Variants in CLCF1 observed in about 807,000 individuals in gnomAD.
CLCF1 encodes the protein cardiotrophin like cytokine factor 1.
In CLCF1, 10 loss-of-function variants were observed where a neutral mutation model predicts 21.2. The observed-to-expected ratio is 0.47, with a 90% CI of 0.29 to 0.80. The LOEUF is 0.80. Among genes scored for constraint, CLCF1 ranks in the 30% least tolerant of loss-of-function variants. The pLI, the probability that CLCF1 is intolerant of heterozygous loss-of-function variation, is 0.09. For synonymous variants in CLCF1, 115 were observed against 120.5 expected (o/e 0.95, Z 0.30); for missense variants, 240 against 293.4 (o/e 0.82, Z 1.33).
At chr11:67,367,330 CAG>C in intron 2 of CLCF1, 128 bp downstream of exon 2, 2 of 1,423,268 alleles carry the variant, frequency 1.4e-6, no homozygotes, top group Admixed American at 1.7e-5. Flanking sequence ...ATAGACCAGA[CAG>C]GGGGACTGGT....
At chr11:67,373,438 CTCCCGGGGG>C in intron 1 of CLCF1, 77 bp downstream of exon 1, 1 of 723,996 alleles carries the variant, frequency 1.4e-6, no homozygotes, top group Non-Finnish European at 2.1e-6. Flanking sequence ...CGGCGCGGGG[CTCCCGGGGG>C]TCAGGGCAGG....
chr11:67,365,401 G>C lies in CLCF1; in HGVS notation c.413C>G (p.Thr138Ser). Reference protein sequence around the residue: ...ELRRSLAHFCTSLQGLLGSIA... With the variant: ...ELRRSLAHFCSSLQGLLGSIA... ...GCTGCCCAGCAGGCCCTGGAGGCTG[G>C]TGCAGAAGTGGGCCAGGCTGCGGCG... Residue 138 changes from threonine to serine, a missense_variant, in exon 3 of 3, where the codon ACC becomes AGC. By Grantham distance (58) the Thr-to-Ser change is moderately conservative. Coordinates refer to ENST00000312438, the MANE Select transcript of CLCF1 (RefSeq NM_013246.3). The surrounding 1 kb of genome is among the most constrained non-coding windows in gnomAD (Gnocchi z 5.0). 1.2e-6 allele frequency: 2 copies of C among 1,613,262 alleles called. No homozygotes were observed. Among genetic ancestry groups the C allele is most frequent in the Non-Finnish European group, 1.7e-6 (2 of 1,179,618 alleles).
rs1323282695 is a variant in CLCF1, at chr11:67,365,794, G to A, written c.184-164C>T. ...TGGCCTCCCTGAGTTTTTCCAATAA[G>A]GATATCATTTGTATGCAGGTGACAG... On this transcript the variant is annotated intron_variant, in intron 2 of 2. Coordinates refer to ENST00000312438, the MANE Select transcript of CLCF1 (RefSeq NM_013246.3). This position sits in a 1 kb window ranked among gnomAD's most constrained non-coding sequence, Gnocchi z 5.0. 6.6e-6 allele frequency among the ~76,000 whole-genome samples: 1 copy of A among 152,204 alleles called. No homozygotes were observed. Among genetic ancestry groups the A allele is most frequent in the Non-Finnish European group, 1.5e-5 (1 of 68,032 alleles).
At position 67,365,581 on chromosome 11, in the gene CLCF1, C is replaced by G; in HGVS notation, c.233G>C (p.Arg78Pro). Residue 78 changes from arginine to proline, a missense_variant, in exon 3 of 3, where the codon CGC becomes CCC. Arg to Pro is a moderately radical substitution (Grantham distance 103). Transcript: ENST00000312438. The surrounding 1 kb of genome is among the most constrained non-coding windows in gnomAD (Gnocchi z 5.0). Reference sequence around the variant, plus strand: ...CCTGGGCAGAGTCTCTGCCCCCAGGCGGGGAGGGTTGAAGTCTGGCTCGTT... The same window carrying G: ...CCTGGGCAGAGTCTCTGCCCCCAGGGGGGGAGGGTTGAAGTCTGGCTCGTT... ...PFNEPDFNPP[R>P]LGAETLPRAT... The G allele has an allele frequency of 6.2e-7, 1 of 1,613,588 alleles. No individual in the cohort carries two copies. The highest frequency in any genetic ancestry group is 8.5e-7 in the Non-Finnish European group (1 of 1,179,642).
At position 67,370,514 on chromosome 11, in the gene CLCF1, G is replaced by A. The variant is rs569931461; in HGVS notation, c.17-2888C>T. ...CCGGCTGAGCACGTGAGGAGCTAACGAGTACAGCTCACGTTTCCTGCAACA... is the reference window on the plus strand; with the variant it reads ...CCGGCTGAGCACGTGAGGAGCTAACAAGTACAGCTCACGTTTCCTGCAACA... On this transcript the variant is annotated intron_variant, in intron 1 of 2. Transcript: ENST00000312438. 1.3e-5 allele frequency: 13 copies of A among 971,874 alleles called. No individual in the cohort carries two copies. The South Asian group carries it at 2.4e-4, about 18-fold the overall frequency. 60.2% of individuals were successfully genotyped at this position (971,874 alleles called of 1,614,324 possible). A position where few individuals can be genotyped will look rare whatever the true frequency, so the allele number is the denominator to read the frequency against.
In CLCF1 at chr11:67,364,969, G is replaced by A. The variant is rs1440034457; in HGVS notation, c.*167C>T. 2.8e-6 allele frequency: 3 copies of A among 1,083,958 alleles called. No individual in the cohort carries two copies. In the African/African-American group the frequency reaches 4.7e-5, roughly 17 times the overall value. 67.1% of individuals were successfully genotyped at this position (1,083,958 alleles called of 1,614,324 possible). A position where few individuals can be genotyped will look rare whatever the true frequency, so the allele number is the denominator to read the frequency against. On this transcript the variant is annotated 3_prime_UTR_variant, in exon 3 of 3. Coordinates refer to ENST00000312438, the MANE Select transcript of CLCF1 (RefSeq NM_013246.3). ...TCCCCAGCTCGGTAGACCTTTGGGAGGTGGGGAGGAGACAGGGCTGATCGC... is the reference window on the plus strand; with the variant it reads ...TCCCCAGCTCGGTAGACCTTTGGGAAGTGGGGAGGAGACAGGGCTGATCGC...
intron 1 of CLCF1, chr11:67,370,004 T>G (rs1862194408): frequency 2.0e-6 from 2 of 983,628 alleles, no homozygotes; most frequent in Admixed American, 6.2e-5. Context: ...ACTGTGTCGT[T>G]GCAGGCTGCG....
At position 67,365,462 on chromosome 11, in the gene CLCF1, G is replaced by A. The variant is rs368762582; in HGVS notation, c.352C>T (p.Arg118Cys). The change falls in exon 3 of 3, where the codon CGT (arginine) becomes TGT (cysteine). Residue 118 changes from arginine to cysteine, a missense_variant. Arg to Cys is a radical substitution (Grantham distance 180, BLOSUM62 -3). Coordinates refer to ENST00000312438, the MANE Select transcript of CLCF1 (RefSeq NM_013246.3). This position sits in a 1 kb window ranked among gnomAD's most constrained non-coding sequence, Gnocchi z 5.0. Reference sequence around the variant, plus strand: ...GTGGCAGCCTGACGGTTGAGGCCACGCAAGTAACACAGAAGGTGGCTGTAG... The same window carrying A: ...GTGGCAGCCTGACGGTTGAGGCCACACAAGTAACACAGAAGGTGGCTGTAG... ...EAYSHLLCYL[R>C]GLNRQAATAE... The A allele has an allele frequency of 2.5e-5, 40 of 1,614,024 alleles. No homozygotes were observed. The highest frequency in any genetic ancestry group is 3.2e-5 in the Non-Finnish European group (38 of 1,179,946).
upstream of CLCF1, chr11:67,373,700 G>T: frequency 8.1e-7 from 1 of 1,232,036 alleles, no homozygotes; most frequent in Non-Finnish European, 1.0e-6. Flanking sequence ...TTCGGTGTGG[G>T]ACATTCTGCA....
At chr11:67,371,876 G>A (rs1174903683) in intron 1 of CLCF1, among the ~76,000 whole-genome samples, 4 of 152,076 alleles carry the variant, frequency 2.6e-5, no homozygotes, top group African/African-American at 7.2e-5. Context: ...GAAGTGTGAC[G>A]GACAAGAGTG....
rs72932728 is a variant in CLCF1 at position 67,364,954 on chromosome 11, G to A, written c.*182C>T. 4,188 of 926,384 alleles carry A rather than the reference G, an allele frequency of 4.5e-3. 18 individuals are homozygous for A. Among genetic ancestry groups the A allele is most frequent in the Non-Finnish European group, 5.7e-3 (3,532 of 624,754 alleles). The allele number at this position is 926,384 out of a possible 1,614,324, so 57.4% of individuals were successfully genotyped here. On this transcript the variant is annotated 3_prime_UTR_variant, in exon 3 of 3. Coordinates refer to ENST00000312438, the MANE Select transcript of CLCF1 (RefSeq NM_013246.3). ...GCCTACTGTACCTCCTCCCCAGCTC[G>A]GTAGACCTTTGGGAGGTGGGGAGGA...
chr11:67,369,710 G>A (rs1235718614), intron 1 of CLCF1: 33 of 985,344 alleles, frequency 3.3e-5, no homozygotes, highest in Non-Finnish European at 3.9e-5. Context: ...AACTGAAGCC[G>A]GAGCTGGGAG....
chr11:67,370,212 C>G (rs1305442841), intron 1 of CLCF1: 1 of 985,246 alleles, frequency 1.0e-6, no homozygotes, highest in East Asian at 1.1e-4. Flanking sequence ...GGGAAAGCAG[C>G]GTGGGGTGAA....
At position 67,372,671 on chromosome 11, in the gene CLCF1, C is replaced by T. The variant is rs1257098795; in HGVS notation, c.16+853G>A. Reference sequence around the variant, plus strand: ...GGTCCGGGGCACCGGGCTCCGGGCTCTGCCCGGCGCTGCCCTTTCCCGCGC... The same window carrying T: ...GGTCCGGGGCACCGGGCTCCGGGCTTTGCCCGGCGCTGCCCTTTCCCGCGC... On this transcript the variant is annotated intron_variant, in intron 1 of 2. Coordinates refer to ENST00000312438, the MANE Select transcript of CLCF1 (RefSeq NM_013246.3). This position sits in a 1 kb window ranked among gnomAD's most constrained non-coding sequence, Gnocchi z 5.9. Among the ~76,000 whole-genome samples, 1 of 149,900 alleles carries T rather than the reference C, an allele frequency of 6.7e-6. No homozygotes were observed. The highest frequency in any genetic ancestry group is 1.5e-5 in the Non-Finnish European group (1 of 67,084).
chr11:67,371,439 T>C (rs554989872), intron 1 of CLCF1, among the ~76,000 whole-genome samples: 1 of 152,254 alleles, frequency 6.6e-6, no homozygotes, highest in Admixed American at 6.5e-5. Context: ...GCATCCCCCT[T>C]TGTGCCCTTC....
intron 1 of CLCF1, chr11:67,370,096 G>A (rs1211088284): frequency 1.0e-6 from 1 of 985,292 alleles, no homozygotes; most frequent in African/African-American, 1.7e-5. Flanking sequence ...TCCAGAGGGA[G>A]AAGAGGTTAG....
chr11:67,370,808 G>C, intron 1 of CLCF1: 1 of 985,364 alleles, frequency 1.0e-6, no homozygotes, highest in Non-Finnish European at 1.2e-6. Flanking sequence ...GATGTGCCAG[G>C]GTGCTTAGGG....
At position 67,372,669 on chromosome 11, in the gene CLCF1, C is replaced by T. The variant is rs1471897123; in HGVS notation, c.16+855G>A. On this transcript the variant is annotated intron_variant, in intron 1 of 2. Transcript: ENST00000312438. The surrounding 1 kb of genome is among the most constrained non-coding windows in gnomAD (Gnocchi z 5.9). ...GGGGTCCGGGGCACCGGGCTCCGGGCTCTGCCCGGCGCTGCCCTTTCCCGC... is the reference window on the plus strand; with the variant it reads ...GGGGTCCGGGGCACCGGGCTCCGGGTTCTGCCCGGCGCTGCCCTTTCCCGC... 6.7e-6 allele frequency among the ~76,000 whole-genome samples: 1 copy of T among 149,924 alleles called. No individual in the cohort carries two copies. The highest frequency in any genetic ancestry group is 2.1e-4 in the South Asian group (1 of 4,808).
In CLCF1 at chr11:67,365,277, G is replaced by A. The variant is rs756714560; in HGVS notation, c.537C>T (p.Leu179=). 3.1e-6 allele frequency: 5 copies of A among 1,613,974 alleles called. No individual in the cohort carries two copies. Among genetic ancestry groups the A allele is most frequent in the Non-Finnish European group, 3.4e-6 (4 of 1,180,040 alleles). ...GCAGCCAGAAGTCGTCCATCTTCTG[G>A]AGGAAGTCACTGTGGGCAGGGCCAG... ...WTPGPAHSDF[L]QKMDDFWLLK... is the part of the protein sequence containing the mutation. Residue 179 remains leucine (L), a synonymous_variant, in exon 3 of 3, where the codon CTC becomes CTT. Transcript: ENST00000312438. The surrounding 1 kb of genome is among the most constrained non-coding windows in gnomAD (Gnocchi z 5.0).
Sources: gnomAD v4.1 joint callset for allele counts (sites outside exome capture counted in the v4.1 genomes callset) on GRCh38, gnomAD v4.1.1 for gene constraint, Gnocchi (gnomAD v3.1) non-coding constraint, MANE v1.5 for transcripts, NCBI Gene and HGNC (gene_info 2026-07-23, HGNC 2026-07-21) for gene names.